Variants in ITSN2 observed in about 807,000 individuals in gnomAD.
ITSN2 encodes the protein intersectin 2.
ITSN2 carries 156 observed loss-of-function variants against 243.7 expected under a neutral mutation model. The observed-to-expected ratio is 0.64, with a 90% confidence interval of 0.56 to 0.73. The LOEUF (loss-of-function observed/expected upper bound fraction) is 0.73, where lower values mean the gene tolerates loss of function less well. Among genes scored for constraint, ITSN2 ranks in the 30% least tolerant of loss-of-function variants. ITSN2 has a pLI of 0.00. For synonymous variants in ITSN2, 703 were observed against 699.9 expected (o/e 1.00, Z -0.07); for missense variants, 1,801 against 1,996.1 (o/e 0.90, Z 1.86).
intron 32 of ITSN2, among the ~76,000 whole-genome samples, chr2:24,213,339 C>G (rs1201046667): frequency 1.3e-5 from 2 of 152,310 alleles, no homozygotes; most frequent in East Asian, 1.9e-4. Context: ...ACGCCAGGCC[C>G]AGGGCCCACA....
chr2:24,204,900 A>C lies in ITSN2; in HGVS notation c.4762+314T>G. On this transcript the variant is annotated intron_variant, in intron 38 of 39. Transcript: ENST00000355123. The surrounding 1 kb of genome is among the most constrained non-coding windows in gnomAD (Gnocchi z 5.1). ...AGTGACAAAGTGCTGTAATCCCAGC[A>C]CTTTGGGAGGCCGAGGCGGGCAGAT... 2.6e-6 allele frequency: 1 copy of C among 377,722 alleles called. No homozygotes were observed. Among genetic ancestry groups the C allele is most frequent in the South Asian group, 2.0e-5 (1 of 50,318 alleles). 23.4% of individuals were successfully genotyped at this position (377,722 alleles called of 1,614,324 possible).
At chr2:24,313,625 T>A in intron 3 of ITSN2, 102 bp from the exon 4 acceptor site, 1 of 684,978 alleles carries the variant, frequency 1.5e-6, no homozygotes, top group Non-Finnish European at 2.4e-6. Flanking sequence ...TATTATAATT[T>A]TAATACCAAT....
At chr2:24,244,311 T>C (rs548264604) in intron 29 of ITSN2, among the ~76,000 whole-genome samples, 3 of 152,140 alleles carry the variant, frequency 2.0e-5, no homozygotes, top group African/African-American at 7.2e-5. Context: ...AATTTTTAAA[T>C]TATCTGCAGA....
In ITSN2 at chr2:24,252,424, T is replaced by C. The variant is rs767368945; in HGVS notation, c.3041A>G (p.Asp1014Gly). Residue 1014 changes from aspartate to glycine, a missense_variant, in exon 25 of 40, where the codon GAT (aspartate) becomes GGT (glycine). Asp to Gly is a moderately conservative substitution (Grantham distance 94, BLOSUM62 -1). Around this residue, in one of 5 missense-constraint regions of ITSN2, gnomAD observed 928 missense variants for 1,065.4 expected, o/e 0.87. Transcript: ENST00000355123. Reference sequence around the variant, plus strand: ...AATACTTCCTGTCCACCACTCTCCATCTTTCTGGGTCACCAATATTTCTTC... The same window carrying C: ...AATACTTCCTGTCCACCACTCTCCACCTTTCTGGGTCACCAATATTTCTTC... ...EGEEILVTQK[D>G]GEWWTGSIGD... The C allele has an allele frequency of 3.1e-6, 5 of 1,612,910 alleles. No homozygotes were observed. The highest frequency in any genetic ancestry group is 3.3e-5 in the Admixed American group (2 of 60,026).
In ITSN2 at chr2:24,225,628, C is replaced by G. The variant is rs186867296; in HGVS notation, c.3578-4562G>C. The stretch of plus-strand genomic sequence containing the variant: ...CCTGCTGCCTGGCTCTCTGCTCCCC[C>G]CAGTCCAGCAAATGCCAAAATAGGC... On this transcript the variant is annotated intron_variant, in intron 29 of 39. Transcript: ENST00000355123. This position sits in a 1 kb window ranked among gnomAD's most constrained non-coding sequence, Gnocchi z 4.2. Among the ~76,000 whole-genome samples the G allele has an allele frequency of 8.8e-4, 134 of 152,270 alleles. No individual in the cohort carries two copies. The highest frequency in any genetic ancestry group is 1.5e-3 in the Non-Finnish European group (99 of 68,020).
At chr2:24,306,720 T>A (rs1002854560) in intron 8 of ITSN2, among the ~76,000 whole-genome samples, 5 of 152,236 alleles carry the variant, frequency 3.3e-5, no homozygotes, top group Non-Finnish European at 7.3e-5. Flanking sequence ...TTGCCCAGGC[T>A]GGACTCTTGG....
chr2:24,240,199 G>A (rs1672574094), intron 29 of ITSN2: 1 of 152,130 alleles, frequency 6.6e-6, no homozygotes, highest in Non-Finnish European at 1.5e-5. Flanking sequence ...TGGATTTAAA[G>A]TAACTGTCTT....
intron 18 of ITSN2, among the ~76,000 whole-genome samples, chr2:24,274,441 A>G (rs1477909484): frequency 1.3e-5 from 2 of 152,082 alleles, no homozygotes; most frequent in African/African-American, 2.4e-5. Context: ...GAGTGGTGGT[A>G]CATGCCTATA....
chr2:24,360,213 C>T (rs915490986), intron 1 of ITSN2, 91 bp downstream of exon 1: 2 of 152,650 alleles, frequency 1.3e-5, no homozygotes, highest in African/African-American at 4.8e-5. Flanking sequence ...GCACAGCCGC[C>T]TCAGCCCGAC....
chr2:24,221,011 C>T lies in ITSN2; in HGVS notation c.3633G>A (p.Gln1211=). ...DTMQPIERKR[Q]GYIHELIQTE... is the part of the protein sequence containing the mutation. The stretch of plus-strand genomic sequence containing the variant: ...TCTGAATCAGCTCATGAATATAGCC[C>T]TGTCTTTTCCTCTCAATTGGCTGCA... The change falls in exon 30 of 40, where the codon CAG becomes CAA. Residue 1211 remains glutamine, a synonymous_variant. Transcript: ENST00000355123. 6.2e-7 allele frequency: 1 copy of T among 1,609,696 alleles called. No individual in the cohort carries two copies. The highest frequency in any genetic ancestry group is 8.5e-7 in the Non-Finnish European group (1 of 1,178,416).
chr2:24,232,429 A>C (rs987958521), intron 29 of ITSN2, among the ~76,000 whole-genome samples: 8 of 152,204 alleles, frequency 5.3e-5, no homozygotes, highest in African/African-American at 1.7e-4. Context: ...ATGATAGACA[A>C]AAGCGCAGAC....
At chr2:24,244,737 C>T (rs1197000830) in intron 29 of ITSN2, among the ~76,000 whole-genome samples, 1 of 152,162 alleles carries the variant, frequency 6.6e-6, no homozygotes, top group Admixed American at 6.6e-5. Context: ...TTTTCTTTAT[C>T]ACTTCTGAAA....
chr2:24,206,348 C>T, intron 37 of ITSN2: 1 of 369,360 alleles, frequency 2.7e-6, no homozygotes, highest in Non-Finnish European at 5.4e-6. Flanking sequence ...GGCAGGAGGG[C>T]AGGCTGCATG....
At chr2:24,273,979 T>G (rs1677699406) in intron 18 of ITSN2, among the ~76,000 whole-genome samples, 1 of 152,234 alleles carries the variant, frequency 6.6e-6, no homozygotes, top group African/African-American at 2.4e-5. Context: ...CTCTCTTTGA[T>G]TTCTCTTCTC....
intron 2 of ITSN2, among the ~76,000 whole-genome samples, chr2:24,320,391 C>T (rs1395196936): frequency 8.2e-4 from 124 of 150,644 alleles, no homozygotes; most frequent in Non-Finnish European, 1.6e-3. Context: ...CGGTGGCGGG[C>T]GCCTGTAGTC....
rs145394759 is a variant in ITSN2, at chr2:24,204,655, C to T, written c.4763-237G>A. ...GAGAGCTCCACCGCCAGGACCACTC[C>T]GCACGGAACAATCCTGGGTGAGTGT... On this transcript the variant is annotated intron_variant, in intron 38 of 39. Transcript: ENST00000355123. This position sits in a 1 kb window ranked among gnomAD's most constrained non-coding sequence, Gnocchi z 5.1. The T allele has an allele frequency of 1.4e-3, 883 of 624,758 alleles. No homozygotes were observed. The highest frequency in any genetic ancestry group is 2.3e-3 in the Non-Finnish European group (776 of 335,458). The allele number at this position is 624,758 out of a possible 1,614,324, so 38.7% of individuals were successfully genotyped here. A position where few individuals can be genotyped will look rare whatever the true frequency, so the allele number is the denominator to read the frequency against.
intron 14 of ITSN2, among the ~76,000 whole-genome samples, chr2:24,294,893 G>A (rs1680742985): frequency 6.6e-6 from 1 of 152,084 alleles, no homozygotes; most frequent in Non-Finnish European, 1.5e-5. Flanking sequence ...AAGTTGAAGG[G>A]ACTGCCTTAC....
At position 24,248,781 on chromosome 2, in the gene ITSN2, A is replaced by G. The variant is rs751335324; in HGVS notation, c.3167-31T>C. 9.9e-6 allele frequency: 16 copies of G among 1,613,046 alleles called. No individual in the cohort carries two copies. In the Admixed American group the frequency reaches 2.0e-4, roughly 20 times the overall value. On this transcript the variant is annotated intron_variant, in intron 26 of 39. Transcript: ENST00000355123. ...AAGACAAAGAAGAAACTATGAATTC[A>G]AGATTGCGACAGAGCAAACACGTTA...
rs913755831 is a variant in ITSN2, at chr2:24,204,598, G to C, written c.4763-180C>G. Reference sequence around the variant, plus strand: ...TAGTAACAGGGTCTCCAAGTTCCCAGTGCTGACAGCAGCATTAACTGGGGA... The same window carrying C: ...TAGTAACAGGGTCTCCAAGTTCCCACTGCTGACAGCAGCATTAACTGGGGA... On this transcript the variant is annotated intron_variant, in intron 38 of 39. Transcript: ENST00000355123. This position sits in a 1 kb window ranked among gnomAD's most constrained non-coding sequence, Gnocchi z 5.1. The C allele has an allele frequency of 4.4e-6, 3 of 682,646 alleles. No individual in the cohort carries two copies. In the East Asian group the frequency reaches 8.5e-5, roughly 19 times the overall value. 42.3% of individuals were successfully genotyped at this position (682,646 alleles called of 1,614,324 possible). A position where few individuals can be genotyped will look rare whatever the true frequency, so the allele number is the denominator to read the frequency against.
Sources: gnomAD v4.1 joint callset for allele counts (sites outside exome capture counted in the v4.1 genomes callset) on GRCh38, gnomAD v4.1.1 for gene constraint, gnomAD v4.1.1 regional missense constraint, Gnocchi (gnomAD v3.1) non-coding constraint, MANE v1.5 for transcripts, NCBI Gene and HGNC (gene_info 2026-07-23, HGNC 2026-07-21) for gene names.